The following H6PD variants were observed in gnomAD, a reference collection of about 807,000 sequenced individuals.
H6PD encodes GDH/6PGL endoplasmic bifunctional protein.
Under a neutral mutation model 61.2 loss-of-function variants are expected in H6PD, and 48 were observed. The ratio of observed to expected loss-of-function variants is 0.78; its 90% CI spans 0.62 to 1.00. H6PD has a LOEUF of 1.00. Ranked by LOEUF, H6PD falls within the 50% of genes least tolerant of loss-of-function variation. H6PD has a pLI of 0.00. For missense variants in H6PD, 1,093 were observed against 1,065.0 expected (o/e 1.03, Z -0.37); for synonymous variants, 480 against 457.9 (o/e 1.05, Z -0.62).
Position 9,263,456 on chromosome 1 carries a change from G to A in H6PD, c.1016-53G>A, listed in dbSNP as rs573705148. 1.0e-4 allele frequency: 162 copies of A among 1,575,954 alleles called. 1 individual carries two copies. The highest frequency in any genetic ancestry group is 6.3e-4 in the East Asian group (28 of 44,686). ...CGGCAAGGAGAGGAGAGGGCTGGCCGGAGAGTCCTGGTCTGTGCCAGAGAG... is the reference window on the plus strand; with the variant it reads ...CGGCAAGGAGAGGAGAGGGCTGGCCAGAGAGTCCTGGTCTGTGCCAGAGAG... On this transcript the variant is annotated intron_variant, in intron 4 of 4. Transcript: ENST00000377403.
At position 9,249,880 on chromosome 1, in the gene H6PD, G is replaced by A. The variant is rs115806548; in HGVS notation, c.745+2797G>A. 7.5e-3 allele frequency among the ~76,000 whole-genome samples: 1,139 copies of A among 152,356 alleles called. 12 individuals carry two copies. Among genetic ancestry groups the A allele is most frequent in the African/African-American group, 0.026 (1,078 of 41,574 alleles). On this transcript the variant is annotated intron_variant, in intron 3 of 4. Transcript: ENST00000377403. ...CTGAGCCCAGCCCCCCAGCAAGTGG[G>A]CCTTGGACACAGGGTGCTTTGGCAA... is the stretch of plus-strand genomic sequence containing the variant.
Position 9,268,467 on chromosome 1 carries a change from C to G in H6PD, c.*3598C>G, listed in dbSNP as rs549560699. 41 of 152,252 alleles carry G rather than the reference C, an allele frequency of 2.7e-4. No homozygotes were observed. Among genetic ancestry groups the G allele is most frequent in the Admixed American group, 2.2e-3 (34 of 15,296 alleles). 9.4% of individuals were successfully genotyped at this position (152,252 alleles called of 1,614,324 possible). A position where few individuals can be genotyped will look rare whatever the true frequency, so the allele number is the denominator to read the frequency against. Reference sequence around the variant, plus strand: ...GAAGCCCACGTGTGCACTTAGGGGCCCATAAATGGCAGAAGGGCCCCTCCT... The same window carrying G: ...GAAGCCCACGTGTGCACTTAGGGGCGCATAAATGGCAGAAGGGCCCCTCCT... On this transcript the variant is annotated 3_prime_UTR_variant, in exon 5 of 5. Transcript: ENST00000377403.
At chr1:9,257,989 A>AG (rs1406454643) in intron 3 of H6PD, among the ~76,000 whole-genome samples, 3 of 152,230 alleles carry the variant, frequency 2.0e-5, no homozygotes, top group African/African-American at 7.2e-5. Flanking sequence ...CAGAGGAGGG[A>AG]GTGGAGCGGA....
chr1:9,262,262 A>C lies in H6PD; in HGVS notation c.949A>C (p.Ser317Arg). Reference sequence around the variant, plus strand: ...CGTCGTGGGCCAGTACCAGTCTTACAGTGAGCAGGTGCGCAGAGAGCTGCA... The same window carrying C: ...CGTCGTGGGCCAGTACCAGTCTTACCGTGAGCAGGTGCGCAGAGAGCTGCA... ...SAVVGQYQSY[S>R]EQVRRELQKP... Residue 317 changes from serine to arginine, a missense_variant, in exon 4 of 5, where the codon AGT (serine) becomes CGT (arginine). Transcript: ENST00000377403. 6.2e-7 allele frequency: 1 copy of C among 1,612,136 alleles called. No homozygotes were observed. The highest frequency in any genetic ancestry group is 1.7e-5 in the Admixed American group (1 of 59,684).
intron 3 of H6PD, among the ~76,000 whole-genome samples, chr1:9,252,282 A>G (rs1156415382): frequency 1.3e-5 from 2 of 152,222 alleles, no homozygotes; most frequent in East Asian, 1.9e-4. Flanking sequence ...ATCTCTATGT[A>G]TTAGCAGTCT....
At position 9,262,318 on chromosome 1, in the gene H6PD, G is replaced by A. The variant is rs201602688; in HGVS notation, c.1005G>A (p.Pro335=). Residue 335 remains proline (P), a synonymous_variant, in exon 4 of 5, where the codon CCG becomes CCA. Transcript: ENST00000377403. ...CAGACAGCTTCCACAGCCTGACGCC[G>A]ACCTTCGCAGGTGGGCCCTGGGGCT... is the stretch of plus-strand genomic sequence containing the variant. ...QKPDSFHSLT[P]TFAAVLVHID... 27 of 1,602,220 alleles carry A rather than the reference G, an allele frequency of 1.7e-5. No individual in the cohort carries two copies. In the East Asian group the frequency reaches 3.6e-4, roughly 21 times the overall value.
intron 3 of H6PD, among the ~76,000 whole-genome samples, chr1:9,248,262 T>C (rs1469772490): frequency 2.6e-5 from 4 of 152,236 alleles, no homozygotes; most frequent in Admixed American, 6.5e-5. Flanking sequence ...TTTCTCCTCT[T>C]TTTCTCTCTC....
chr1:9,251,698 G>A (rs765648417), intron 3 of H6PD, among the ~76,000 whole-genome samples: 5 of 152,118 alleles, frequency 3.3e-5, no homozygotes, highest in Non-Finnish European at 7.4e-5. Flanking sequence ...CAGCAGGGCC[G>A]GTTCCCCTTC....
rs747155644 is a variant in H6PD, at chr1:9,264,797, G to T, written c.2304G>T (p.Trp768Cys). The T allele has an allele frequency of 3.7e-6, 6 of 1,613,042 alleles. No individual in the cohort carries two copies. In the South Asian group the frequency reaches 6.6e-5, roughly 18 times the overall value. ...VSRVGHEPKK[W>C]PISGVLPHSG... is the part of the protein sequence containing the mutation. Reference sequence around the variant, plus strand: ...GGGTGGGCCATGAGCCCAAGAAGTGGCCCATCTCGGGTGTCCTGCCGCACT... The same window carrying T: ...GGGTGGGCCATGAGCCCAAGAAGTGTCCCATCTCGGGTGTCCTGCCGCACT... Residue 768 changes from tryptophan to cysteine, a missense_variant, in exon 5 of 5, where the codon TGG (tryptophan) becomes TGT (cysteine). By Grantham distance (215) the Trp-to-Cys change is radical. Coordinates refer to ENST00000377403, the MANE Select transcript of H6PD (RefSeq NM_004285.4).
chr1:9,251,735 A>C (rs1023628727), intron 3 of H6PD, among the ~76,000 whole-genome samples: 15 of 152,170 alleles, frequency 9.9e-5, no homozygotes, highest in Admixed American at 2.6e-4. Flanking sequence ...GCTGTCTGCA[A>C]GGTGAGCCCA....
At position 9,267,098 on chromosome 1, in the gene H6PD, G is replaced by T. The variant is rs551137257; in HGVS notation, c.*2229G>T. ...GCCTCCCAAAGTGCTGGGATTACAG[G>T]CGTGAGCCACCGCGCCCAGCCAGAA... On this transcript the variant is annotated 3_prime_UTR_variant, in exon 5 of 5. Coordinates refer to ENST00000377403, the MANE Select transcript of H6PD (RefSeq NM_004285.4). 1 of 152,842 alleles carries T rather than the reference G, an allele frequency of 6.5e-6. No individual in the cohort carries two copies. Among genetic ancestry groups the T allele is most frequent in the Admixed American group, 6.5e-5 (1 of 15,312 alleles). 9.5% of individuals were successfully genotyped at this position (152,842 alleles called of 1,614,324 possible).
Position 9,262,261 on chromosome 1 carries a change from C to T in H6PD, c.948C>T (p.Tyr316=). The change falls in exon 4 of 5, where the codon TAC becomes TAT. Residue 316 remains tyrosine, a synonymous_variant. Coordinates refer to ENST00000377403, the MANE Select transcript of H6PD (RefSeq NM_004285.4). ...CCGTCGTGGGCCAGTACCAGTCTTA[C>T]AGTGAGCAGGTGCGCAGAGAGCTGC... The part of the protein sequence containing the change: ...GSAVVGQYQS[Y]SEQVRRELQK... 6.2e-7 allele frequency: 1 copy of T among 1,612,110 alleles called. No homozygotes were observed. Among genetic ancestry groups the T allele is most frequent in the South Asian group, 1.1e-5 (1 of 90,688 alleles).
Position 9,246,985 on chromosome 1 carries a change from C to T in H6PD, c.647C>T (p.Pro216Leu). 6.2e-7 allele frequency: 1 copy of T among 1,613,614 alleles called. No individual in the cohort carries two copies. The highest frequency in any genetic ancestry group is 8.5e-7 in the Non-Finnish European group (1 of 1,179,512). Residue 216 changes from proline (P) to leucine (L), a missense_variant, in exon 3 of 5, where the codon CCT becomes CTT. Transcript: ENST00000377403. ...LGKQAVAQIL[P>L]FRDQNRKALD... ...CGACAGGCTGTGGCGCAGATCCTGC[C>T]TTTCCGAGACCAGAACCGCAAGGCT...
At position 9,265,904 on chromosome 1, in the gene H6PD, GCTGCTCCT is replaced by G. The variant is rs1638542306; in HGVS notation, c.*1039_*1046del. ...TCCTCAGGGAGGACCCCTGCCCTCC[GCTGCTCCT>G]CTGTCCTGCTAGCCTTCCTCCAGGA... is the stretch of plus-strand genomic sequence containing the variant. On this transcript the variant is annotated 3_prime_UTR_variant, in exon 5 of 5. Coordinates refer to ENST00000377403, the MANE Select transcript of H6PD (RefSeq NM_004285.4). 1 of 152,266 alleles carries G rather than the reference GCTGCTCCT, an allele frequency of 6.6e-6. No homozygotes were observed. The highest frequency in any genetic ancestry group is 1.5e-5 in the Non-Finnish European group (1 of 68,084). The allele number at this position is 152,266 out of a possible 1,614,324, so 9.4% of individuals were successfully genotyped here. A position where few individuals can be genotyped will look rare whatever the true frequency, so the allele number is the denominator to read the frequency against.
chr1:9,242,909 G>A (rs1008106191), intron 1 of H6PD: 28 of 985,324 alleles, frequency 2.8e-5, no homozygotes, highest in South Asian at 2.8e-4. Flanking sequence ...AGGAAAAAAC[G>A]CTTGAAGGGC....
chr1:9,244,902 G>C, intron 1 of H6PD, 23 bp from the exon 2 acceptor site: 1 of 1,610,924 alleles, frequency 6.2e-7, no homozygotes, highest in Non-Finnish European at 8.5e-7. Flanking sequence ...CTTGTTCCTC[G>C]TCTGTCTCTC....
rs932837307 is a variant in H6PD at position 9,245,319 on chromosome 1, C to G, written c.385C>G (p.Gln129Glu). 6.2e-7 allele frequency: 1 copy of G among 1,614,234 alleles called. No individual in the cohort carries two copies. Among genetic ancestry groups the G allele is most frequent in the South Asian group, 1.1e-5 (1 of 91,086 alleles). The change falls in exon 2 of 5, where the codon CAG (glutamine) becomes GAG (glutamate). Residue 129 changes from glutamine (Q) to glutamate (E), a missense_variant. Physicochemically the swap from Gln to Glu is conservative, Grantham distance 29. Coordinates refer to ENST00000377403, the MANE Select transcript of H6PD (RefSeq NM_004285.4). The surrounding 1 kb of genome is among the most constrained non-coding windows in gnomAD (Gnocchi z 4.8). ...ALNKDIEAQL[Q>E]HAGLREAGRI... ...GAACAAGGACATCGAGGCACAGCTC[C>G]AGCACGCAGGCCTCCGGGAGGCTGG...
chr1:9,261,139 C>T (rs1490971059), intron 3 of H6PD, among the ~76,000 whole-genome samples: 3 of 149,544 alleles, frequency 2.0e-5, no homozygotes, highest in Non-Finnish European at 2.9e-5. Context: ...CACCCATTCT[C>T]CCCCCAAGAC....
At chr1:9,243,844 T>G (rs1464456123) in intron 1 of H6PD, among the ~76,000 whole-genome samples, 1 of 139,636 alleles carries the variant, frequency 7.2e-6, no homozygotes, top group Non-Finnish European at 1.5e-5. Context: ...TGGACATGAA[T>G]TTTGAGAGAG....
Sources: gnomAD v4.1 joint callset for allele counts (sites outside exome capture counted in the v4.1 genomes callset) on GRCh38, gnomAD v4.1.1 for gene constraint, Gnocchi (gnomAD v3.1) non-coding constraint, MANE v1.5 for transcripts, NCBI Gene and HGNC (gene_info 2026-07-23, HGNC 2026-07-21) for gene names.